The following SDK2 variants were observed in gnomAD, a reference collection of about 807,000 sequenced individuals.
SDK2 encodes the protein sidekick cell adhesion molecule 2.
Under a neutral mutation model 253.9 loss-of-function variants are expected in SDK2, and 105 were observed. That is an observed-to-expected ratio of 0.41 (90% CI 0.35 to 0.49). The LOEUF (loss-of-function observed/expected upper bound fraction) is 0.49, where lower values mean the gene tolerates loss of function less well. Among genes scored for constraint, SDK2 ranks in the 20% least tolerant of loss-of-function variants. SDK2 has a pLI of 0.06. For synonymous variants in SDK2, 1,249 were observed against 1,234.9 expected (o/e 1.01, Z -0.24); for missense variants, 2,608 against 3,003.0 (o/e 0.87, Z 3.07).
At chr17:73,486,534 C>A (rs1263344859) in intron 2 of SDK2, among the ~76,000 whole-genome samples, 1 of 149,890 alleles carries the variant, frequency 6.7e-6, no homozygotes, top group Non-Finnish European at 1.5e-5. Flanking sequence ...TGCTTGAGAC[C>A]AGGAGTTGGA....
intron 1 of SDK2, among the ~76,000 whole-genome samples, chr17:73,576,483 G>A (rs550138455): frequency 4.1e-4 from 63 of 152,322 alleles, no homozygotes; most frequent in African/African-American, 1.4e-3. Context: ...GGATAGAGAG[G>A]AAAGGGCTTT....
chr17:73,365,966 G>A (rs905933164), intron 37 of SDK2, among the ~76,000 whole-genome samples: 5 of 152,108 alleles, frequency 3.3e-5, no homozygotes, highest in Admixed American at 1.3e-4. Context: ...ATGTTTTCTC[G>A]GACCAAGAAC....
chr17:73,438,621 A>G (rs183035436), intron 6 of SDK2, among the ~76,000 whole-genome samples: 37 of 146,804 alleles, frequency 2.5e-4, no homozygotes, highest in Middle Eastern at 6.8e-3. Context: ...AAGGGGAAAT[A>G]AGGGCAGACA....
At chr17:73,412,543 A>AGAC (rs368760669) in intron 18 of SDK2, among the ~76,000 whole-genome samples, 1 of 152,246 alleles carries the variant, frequency 6.6e-6, no homozygotes, top group African/African-American at 2.4e-5. Flanking sequence ...CTGTATTTGG[A>AGAC]GACAGAATTG....
rs1045329831 is a variant in SDK2, at chr17:73,616,618, C to T, written c.64+27407G>A. 4.6e-5 allele frequency among the ~76,000 whole-genome samples: 7 copies of T among 152,216 alleles called. No individual in the cohort carries two copies. Among genetic ancestry groups the T allele is most frequent in the South Asian group, 2.1e-4 (1 of 4,822 alleles). On this transcript the variant is annotated intron_variant, in intron 1 of 44. Coordinates refer to ENST00000392650, the MANE Select transcript of SDK2 (RefSeq NM_001144952.2). This position sits in a 1 kb window ranked among gnomAD's most constrained non-coding sequence, Gnocchi z 5.2. ...GGGTGTTTGGGGCTGAGAAAATGAA[C>T]GTTCCATGATGCTATAAACGAAGGA...
chr17:73,382,004 C>T (rs1482123668), intron 33 of SDK2, among the ~76,000 whole-genome samples: 1 of 152,200 alleles, frequency 6.6e-6, no homozygotes, highest in Non-Finnish European at 1.5e-5. Flanking sequence ...CACCTGAGGT[C>T]AGGAGTTCGA....
rs1233263650 is a variant in SDK2, at chr17:73,642,196, T to TG, written c.64+1828dup. ...CAAGTGGATGGCACAGGTGTGGACG[T>TG]GGGGCAGGAAGGGACACATGAAGAC... On this transcript the variant is annotated intron_variant, in intron 1 of 44. Coordinates refer to ENST00000392650, the MANE Select transcript of SDK2 (RefSeq NM_001144952.2). This position sits in a 1 kb window ranked among gnomAD's most constrained non-coding sequence, Gnocchi z 4.7. Among the ~76,000 whole-genome samples the TG allele has an allele frequency of 6.6e-6, 1 of 151,994 alleles. No individual in the cohort carries two copies. The highest frequency in any genetic ancestry group is 1.9e-4 in the East Asian group (1 of 5,180).
intron 2 of SDK2, among the ~76,000 whole-genome samples, chr17:73,498,283 C>G (rs904778512): frequency 1.3e-5 from 2 of 152,184 alleles, no homozygotes; most frequent in African/African-American, 4.8e-5. Context: ...GGTGCTGCTC[C>G]AAACTCCTCC....
In SDK2 at chr17:73,352,819, C is replaced by T. The variant is rs771756843; in HGVS notation, c.5594-182G>A. Among the ~76,000 whole-genome samples the T allele has an allele frequency of 6.6e-6, 1 of 152,318 alleles. No homozygotes were observed. Reference sequence around the variant, plus strand: ...AAAAAGACAACTTTCGGGCCAAGCACGGTGGCTCATGCCTGTAATTCCAGC... The same window carrying T: ...AAAAAGACAACTTTCGGGCCAAGCATGGTGGCTCATGCCTGTAATTCCAGC... On this transcript the variant is annotated intron_variant, in intron 40 of 44. Transcript: ENST00000392650. This position sits in a 1 kb window ranked among gnomAD's most constrained non-coding sequence, Gnocchi z 4.1.
chr17:73,349,274 A>G (rs1296358813), intron 43 of SDK2, among the ~76,000 whole-genome samples: 1 of 152,234 alleles, frequency 6.6e-6, no homozygotes, highest in African/African-American at 2.4e-5. Context: ...AGAGGATAAG[A>G]GCTCGGCTTT....
rs1555750469 is a variant in SDK2 at position 73,355,159 on chromosome 17, C to CATATATATATATATATATATATAT, written c.5594-2523_5594-2522insATATATATATATATATATATATAT. On this transcript the variant is annotated intron_variant, in intron 40 of 44. Transcript: ENST00000392650. ...TTTGAGCCTCTGCCTCCTACACCTC[C>CATATATATATATATATATATATAT]ATATATATATATATATTTTTTTTTT... Among the ~76,000 whole-genome samples the CATATATATATATATATATATATAT allele has an allele frequency of 2.1e-3, 100 of 48,360 alleles. 10 individuals are homozygous for CATATATATATATATATATATATAT. Among genetic ancestry groups the CATATATATATATATATATATATAT allele is most frequent in the Admixed American group, 0.012 (53 of 4,270 alleles). The allele number at this position is 48,360 out of a possible 152,430, so 31.7% of individuals were successfully genotyped here.
At chr17:73,560,752 G>A (rs530678824) in intron 1 of SDK2, among the ~76,000 whole-genome samples, 10 of 152,308 alleles carry the variant, frequency 6.6e-5, no homozygotes, top group Admixed American at 6.5e-4. Flanking sequence ...CATGTTGGTG[G>A]GGAGTCCTGG....
intron 36 of SDK2, among the ~76,000 whole-genome samples, chr17:73,373,233 A>ATTCACTGTGG (rs1366769169): frequency 1.3e-5 from 2 of 152,230 alleles, no homozygotes; most frequent in Admixed American, 6.5e-5. Context: ...TCCACTGTGT[A>ATTCACTGTGG]TAAACCACAT....
intron 40 of SDK2, among the ~76,000 whole-genome samples, chr17:73,355,174 A>ATATATATATATATATATTTTTTTTTTTT: frequency 1.1e-4 from 5 of 47,234 alleles, no homozygotes; most frequent in African/African-American, 8.1e-4. Flanking sequence ...ATATATATAT[A>ATATATATATATATATATTTTTTTTTTTT]TTTTTTTTTT....
rs1196612882 is a variant in SDK2, at chr17:73,643,823, A to G, written c.64+202T>C. Among the ~76,000 whole-genome samples the G allele has an allele frequency of 1.3e-5, 2 of 151,340 alleles. No homozygotes were observed. ...CCCCACCTTCCCCCATTCGGAAGCC[A>G]CAAGTCTCGGAGAGACTGCCCCACC... On this transcript the variant is annotated intron_variant, in intron 1 of 44. Coordinates refer to ENST00000392650, the MANE Select transcript of SDK2 (RefSeq NM_001144952.2). The surrounding 1 kb of genome is among the most constrained non-coding windows in gnomAD (Gnocchi z 6.9).
chr17:73,613,609 C>T (rs1387178474), intron 1 of SDK2, among the ~76,000 whole-genome samples: 2 of 143,640 alleles, frequency 1.4e-5, no homozygotes, highest in African/African-American at 5.2e-5. Context: ...CCACCCCCAG[C>T]CCCCTCCCCC....
intron 37 of SDK2, among the ~76,000 whole-genome samples, chr17:73,367,143 G>C (rs1344217179): frequency 6.6e-6 from 1 of 151,458 alleles, no homozygotes; most frequent in Non-Finnish European, 1.5e-5. Flanking sequence ...AGCTGGGATT[G>C]GAGAAGGGTG....
rs375715420 is a variant in SDK2, at chr17:73,500,793, G to A, written c.224+6645C>T. On this transcript the variant is annotated intron_variant, in intron 2 of 44. Coordinates refer to ENST00000392650, the MANE Select transcript of SDK2 (RefSeq NM_001144952.2). ...TCTAGCCTCTGTCCATCCTCCCTCC[G>A]TTCTCCTCCATCCTCTTTCCATCCT... Among the ~76,000 whole-genome samples the A allele has an allele frequency of 1.0e-3, 130 of 126,108 alleles. 2 individuals carry two copies. The highest frequency in any genetic ancestry group is 7.0e-3 in the East Asian group (29 of 4,140). 82.7% of individuals were successfully genotyped at this position (126,108 alleles called of 152,430 possible).
rs977490566 is a variant in SDK2 at position 73,570,349 on chromosome 17, C to T, written c.65-62752G>A. On this transcript the variant is annotated intron_variant, in intron 1 of 44. Transcript: ENST00000392650. This position sits in a 1 kb window ranked among gnomAD's most constrained non-coding sequence, Gnocchi z 4.2. Reference sequence around the variant, plus strand: ...TTCTGTGAGCTCCTGGCTCTGTTTTCTCAAATCGCAGCAGAGCATATGCTC... The same window carrying T: ...TTCTGTGAGCTCCTGGCTCTGTTTTTTCAAATCGCAGCAGAGCATATGCTC... Among the ~76,000 whole-genome samples, 2 of 152,200 alleles carry T rather than the reference C, an allele frequency of 1.3e-5. No individual in the cohort carries two copies. The highest frequency in any genetic ancestry group is 6.5e-5 in the Admixed American group (1 of 15,284).
Sources: allele counts gnomAD v4.1 joint callset (sites outside exome capture counted in the v4.1 genomes callset), GRCh38; gene constraint gnomAD v4.1.1; non-coding constraint Gnocchi (gnomAD v3.1); transcripts MANE v1.5; gene names NCBI Gene and HGNC (gene_info 2026-07-23, HGNC 2026-07-21).